The following PTPN4 variants were observed in gnomAD, a reference collection of about 807,000 sequenced individuals.
PTPN4 encodes the protein protein tyrosine phosphatase non-receptor type 4, also known as tyrosine-protein phosphatase non-receptor type 4.
Under a neutral mutation model 135.5 loss-of-function variants are expected in PTPN4, and 49 were observed. That is an observed-to-expected ratio of 0.36 (90% CI 0.29 to 0.46). The LOEUF is 0.46. PTPN4 is among the 20% of genes least tolerant of loss of function. PTPN4 has a pLI of 1.00. For synonymous variants in PTPN4, 333 were observed against 369.9 expected, an observed-to-expected ratio of 0.90 and a Z score of 1.14; for missense variants, 860 against 1,101.0, an observed-to-expected ratio of 0.78 and a Z score of 3.10.
At chr2:119,932,793 A>C (rs868645277) in intron 14 of PTPN4, among the ~76,000 whole-genome samples, 3 of 152,196 alleles carry the variant, frequency 2.0e-5, no homozygotes, top group South Asian at 2.1e-4. Context: ...CACTCTCCTC[A>C]ACAGTTAACT....
intron 22 of PTPN4, among the ~76,000 whole-genome samples, chr2:119,958,328 TAAA>T (rs35243850): frequency 7.4e-6 from 1 of 134,816 alleles, no homozygotes. Flanking sequence ...AAGACCCGTC[TAAA>T]AAAAAAAAAA....
chr2:119,946,043 G>C (rs916779405), intron 16 of PTPN4, among the ~76,000 whole-genome samples: 1 of 152,054 alleles, frequency 6.6e-6, no homozygotes, highest in East Asian at 1.9e-4. Context: ...AACCTGGCTT[G>C]CTATGAGCCA....
At chr2:119,968,538 T>TC (rs372633930) in intron 26 of PTPN4, among the ~76,000 whole-genome samples, 3,549 of 152,242 alleles carry the variant, frequency 0.023, 129 homozygotes, top group African/African-American at 0.078. Flanking sequence ...ACGCCTGTAA[T>TC]CCCAGCACTT....
intron 1 of PTPN4, among the ~76,000 whole-genome samples, chr2:119,781,394 C>T (rs182968928): frequency 3.9e-5 from 6 of 152,312 alleles, no homozygotes; most frequent in African/African-American, 1.4e-4. Flanking sequence ...GATGCCATAT[C>T]TGACCTCTTG....
At chr2:119,948,900 C>T (rs572658628) in intron 18 of PTPN4, among the ~76,000 whole-genome samples, 1 of 152,036 alleles carries the variant, frequency 6.6e-6, no homozygotes, top group Admixed American at 6.5e-5. Context: ...TACAGGTATT[C>T]TGTATTTTTT....
At chr2:119,768,413 C>A (rs1211099823) in intron 1 of PTPN4, among the ~76,000 whole-genome samples, 2 of 152,142 alleles carry the variant, frequency 1.3e-5, no homozygotes. Context: ...TCAGTGTGTT[C>A]ATTTCTGCTG....
chr2:119,789,907 T>C (rs1034107775), intron 1 of PTPN4, among the ~76,000 whole-genome samples: 3 of 151,986 alleles, frequency 2.0e-5, no homozygotes, highest in African/African-American at 7.3e-5. Flanking sequence ...TTTGTATTTT[T>C]AGTAGAGACT....
At position 119,947,524 on chromosome 2, in the gene PTPN4, G is replaced by A. The variant is rs913525806; in HGVS notation, c.1656+950G>A. 9.2e-5 allele frequency among the ~76,000 whole-genome samples: 14 copies of A among 152,212 alleles called. No homozygotes were observed. The South Asian group carries it at 1.0e-3, about 11-fold the overall frequency. ...ATAAATACATCAGATAGCTATTGAG[G>A]TGTCACACAAAACTAAAGAGCATGA... On this transcript the variant is annotated intron_variant, in intron 18 of 26. Transcript: ENST00000263708.
At chr2:119,904,750 G>A (rs1056077953) in intron 10 of PTPN4, among the ~76,000 whole-genome samples, 3 of 152,164 alleles carry the variant, frequency 2.0e-5, no homozygotes, top group African/African-American at 4.8e-5. Context: ...TATTCAAACT[G>A]CAGATAAACC....
At chr2:119,782,267 A>C (rs1690953037) in intron 1 of PTPN4, among the ~76,000 whole-genome samples, 1 of 152,034 alleles carries the variant, frequency 6.6e-6, no homozygotes, top group South Asian at 2.1e-4. Context: ...AAATACAAAA[A>C]AATTAGCCGG....
intron 2 of PTPN4, among the ~76,000 whole-genome samples, chr2:119,851,439 G>A (rs550075942): frequency 1.3e-5 from 2 of 152,176 alleles, no homozygotes; most frequent in Admixed American, 6.5e-5. Context: ...CAAGTGCCAC[G>A]TTTAACTGTG....
intron 2 of PTPN4, among the ~76,000 whole-genome samples, chr2:119,820,204 C>A (rs564036805): frequency 6.6e-6 from 1 of 152,204 alleles, no homozygotes; most frequent in African/African-American, 2.4e-5. Flanking sequence ...ATTTCATATT[C>A]TTGAAGGGAA....
intron 1 of PTPN4, among the ~76,000 whole-genome samples, chr2:119,770,393 A>G (rs1284231021): frequency 6.6e-6 from 1 of 152,238 alleles, no homozygotes; most frequent in Non-Finnish European, 1.5e-5. Context: ...AATTGGCAAT[A>G]TGGCTACATG....
At chr2:119,861,963 C>T (rs1441056597) in intron 2 of PTPN4, among the ~76,000 whole-genome samples, 1 of 148,682 alleles carries the variant, frequency 6.7e-6, no homozygotes, top group East Asian at 1.9e-4. Context: ...TAATTGTTAC[C>T]ATCTTCGTTC....
chr2:119,904,477 A>G (rs1346243447), intron 10 of PTPN4, among the ~76,000 whole-genome samples: 1 of 152,196 alleles, frequency 6.6e-6, no homozygotes, highest in African/African-American at 2.4e-5. Context: ...AAAAAAACCT[A>G]TTTAAGAAAA....
intron 2 of PTPN4, among the ~76,000 whole-genome samples, chr2:119,860,150 T>G (rs1434513473): frequency 6.6e-6 from 1 of 152,178 alleles, no homozygotes; most frequent in African/African-American, 2.4e-5. Context: ...TAAAAAAGAT[T>G]AATGCTTGCT....
At chr2:119,922,270 A>G (rs554031247) in intron 12 of PTPN4, among the ~76,000 whole-genome samples, 4 of 151,696 alleles carry the variant, frequency 2.6e-5, no homozygotes, top group Admixed American at 1.3e-4. Context: ...AACACCTGCC[A>G]TTCAGAAGGC....
In PTPN4 at chr2:119,920,206, A is replaced by G. The variant is rs1306126090; in HGVS notation, c.966A>G (p.Ala322=). The change falls in exon 12 of 27, where the codon GCA becomes GCG. Residue 322 remains alanine (A), a synonymous_variant. Transcript: ENST00000263708. ...TTCCACCTCAAAAGAATTTTTTTGC[A>G]CATTATTTTACATTAGGTTCAAAAT... ...RPLPPQKNFF[A]HYFTLGSKFR... 1.2e-6 allele frequency: 2 copies of G among 1,612,320 alleles called. No individual in the cohort carries two copies. The highest frequency in any genetic ancestry group is 1.7e-6 in the Non-Finnish European group (2 of 1,179,272).
At chr2:119,912,236 G>A (rs1307785190) in intron 10 of PTPN4, among the ~76,000 whole-genome samples, 1 of 152,146 alleles carries the variant, frequency 6.6e-6, no homozygotes, top group Non-Finnish European at 1.5e-5. Flanking sequence ...TATCTGTAGG[G>A]ACAAAAAGTT....
Sources: allele counts gnomAD v4.1 joint callset (sites outside exome capture counted in the v4.1 genomes callset), GRCh38; gene constraint gnomAD v4.1.1; transcripts MANE v1.5; gene names NCBI Gene and HGNC (gene_info 2026-07-23, HGNC 2026-07-21).